Variants in EYA4 observed in about 807,000 individuals in gnomAD.
EYA4 encodes the protein protein phosphatase EYA4.
EYA4 carries 31 observed loss-of-function variants against 87.9 expected under a neutral mutation model. That is an observed-to-expected ratio of 0.35 (90% confidence interval 0.27 to 0.48). The LOEUF is 0.48. Among genes scored for constraint, EYA4 ranks in the 20% least tolerant of loss-of-function variants. EYA4 has a pLI of 0.99. For missense variants in EYA4, 678 were observed against 761.4 expected, an observed-to-expected ratio of 0.89 and a Z score of 1.29; for synonymous variants, 263 against 270.6, an observed-to-expected ratio of 0.97 and a Z score of 0.28.
At position 133,530,237 on chromosome 6, in the gene EYA4, G is replaced by A. The variant is rs1421417704; in HGVS notation, c.*1432G>A. ...GAATACATCAATGCAGGTTCTCCTC[G>A]TAACAGACTTGCATATGTTTGTTAG... is the stretch of plus-strand genomic sequence containing the variant. On this transcript the variant is annotated 3_prime_UTR_variant, in exon 20 of 20. Coordinates refer to ENST00000355286, the MANE Select transcript of EYA4 (RefSeq NM_004100.5). The A allele has an allele frequency of 4.6e-5, 45 of 985,212 alleles. No individual in the cohort carries two copies. The highest frequency in any genetic ancestry group is 5.2e-5 in the Non-Finnish European group (43 of 829,906). 61.0% of individuals were successfully genotyped at this position (985,212 alleles called of 1,614,324 possible).
Position 133,529,688 on chromosome 6 carries a change from A to G in EYA4, c.*883A>G. 1.2e-5 allele frequency: 12 copies of G among 985,030 alleles called. No individual in the cohort carries two copies. The highest frequency in any genetic ancestry group is 1.3e-5 in the Non-Finnish European group (11 of 829,540). The allele number at this position is 985,030 out of a possible 1,614,324, so 61.0% of individuals were successfully genotyped here. On this transcript the variant is annotated 3_prime_UTR_variant, in exon 20 of 20. Transcript: ENST00000355286. ...TTGTGTTTCATTTGGGTTCTTAATA[A>G]TTCCAATAATTGTATGAGGCAACTA...
chr6:133,381,075 CTTTTTTTTTTTTTT>C (rs5880181), intron 2 of EYA4, among the ~76,000 whole-genome samples: 4 of 96,820 alleles, frequency 4.1e-5, no homozygotes, highest in Non-Finnish European at 7.7e-5. Flanking sequence ...TTTTTTTTTT[CTTTTTTTTTTTTTT>C]TTTTGCCCCT....
intron 1 of EYA4, among the ~76,000 whole-genome samples, chr6:133,273,957 G>A (rs1255948450): frequency 2.0e-5 from 3 of 151,858 alleles, no homozygotes; most frequent in East Asian, 1.9e-4. Flanking sequence ...CAAGAGAGAG[G>A]ATTCAGGGTT....
rs72318662 is a variant in EYA4 at position 133,515,622 on chromosome 6, A to AGTGT, written c.1616+218_1616+221dup. Among the ~76,000 whole-genome samples, 542 of 146,740 alleles carry AGTGT rather than the reference A, an allele frequency of 3.7e-3. 3 individuals carry two copies. Among genetic ancestry groups the AGTGT allele is most frequent in the South Asian group, 4.8e-3 (22 of 4,598 alleles). Reference sequence around the variant, plus strand: ...GAGAGAGAGAGAGAGTGTGTGTGTGAGTGTGTGTGTGTGTGTGTGTGTGTG... The same window carrying AGTGT: ...GAGAGAGAGAGAGAGTGTGTGTGTGAGTGTGTGTGTGTGTGTGTGTGTGTGTGTG... On this transcript the variant is annotated intron_variant, in intron 17 of 19. Transcript: ENST00000355286.
At position 133,512,990 on chromosome 6, in the gene EYA4, T is replaced by C. The variant is rs1799288127; in HGVS notation, c.1453T>C (p.Tyr485His). 6.2e-7 allele frequency: 1 copy of C among 1,614,130 alleles called. No individual in the cohort carries two copies. Among genetic ancestry groups the C allele is most frequent in the Admixed American group, 1.7e-5 (1 of 60,020 alleles). ...CTGGATGAGGAAGTTGGCTTTTCGT[T>C]ACAGAAGAGTAAAAGAATTATATAA... ...VDWMRKLAFR[Y>H]RRVKELYNTY... Residue 485 changes from tyrosine (Y) to histidine (H), a missense_variant, in exon 16 of 20, where the codon TAC becomes CAC. Coordinates refer to ENST00000355286, the MANE Select transcript of EYA4 (RefSeq NM_004100.5).
rs997105703 is a variant in EYA4, at chr6:133,294,876, C to T, written c.33+20063C>T. On this transcript the variant is annotated intron_variant, in intron 2 of 19. Coordinates refer to ENST00000355286, the MANE Select transcript of EYA4 (RefSeq NM_004100.5). ...GATTACAGGTGCAAGCCACCACAGC[C>T]GGCCAATTTCTTCTTATTGAAACGT... Among the ~76,000 whole-genome samples, 16 of 152,150 alleles carry T rather than the reference C, an allele frequency of 1.1e-4. 1 individual carries two copies. Among genetic ancestry groups the T allele is most frequent in the Middle Eastern group, 6.8e-3 (2 of 294 alleles).
intron 2 of EYA4, among the ~76,000 whole-genome samples, chr6:133,303,173 C>A (rs539090259): frequency 6.6e-6 from 1 of 152,126 alleles, no homozygotes; most frequent in Non-Finnish European, 1.5e-5. Flanking sequence ...CTGAACAATA[C>A]TGTATTTGGT....
chr6:133,325,001 C>T (rs1781389853), intron 2 of EYA4, among the ~76,000 whole-genome samples: 1 of 149,758 alleles, frequency 6.7e-6, no homozygotes, highest in South Asian at 2.1e-4. Context: ...AGCTCCACCT[C>T]CTGGGTTCAC....
At chr6:133,340,451 G>A (rs933992052) in intron 2 of EYA4, among the ~76,000 whole-genome samples, 1 of 152,176 alleles carries the variant, frequency 6.6e-6, no homozygotes, top group African/African-American at 2.4e-5. Context: ...ATGATGATAA[G>A]TGCTACAAGA....
chr6:133,283,065 G>A (rs1265259105), intron 2 of EYA4, among the ~76,000 whole-genome samples: 1 of 152,000 alleles, frequency 6.6e-6, no homozygotes, highest in Non-Finnish European at 1.5e-5. Context: ...AGGCTGAGGC[G>A]GGTGGATCAC....
intron 13 of EYA4, among the ~76,000 whole-genome samples, chr6:133,496,951 C>A (rs1797694080): frequency 6.6e-6 from 1 of 152,256 alleles, no homozygotes; most frequent in East Asian, 1.9e-4. Context: ...CCAGAGATGT[C>A]AATCATATCC....
At chr6:133,337,197 C>T (rs553590191) in intron 2 of EYA4, among the ~76,000 whole-genome samples, 2 of 152,198 alleles carry the variant, frequency 1.3e-5, no homozygotes, top group East Asian at 3.9e-4. Flanking sequence ...AGTCTTTGTG[C>T]TTGATTTAAA....
chr6:133,395,828 T>C (rs898368543), intron 3 of EYA4, among the ~76,000 whole-genome samples: 2 of 152,192 alleles, frequency 1.3e-5, no homozygotes, highest in African/African-American at 2.4e-5. Flanking sequence ...GTATCCCAGC[T>C]TACCCCATGT....
intron 18 of EYA4, 120 bp downstream of exon 18, chr6:133,523,297 C>A: frequency 9.8e-7 from 1 of 1,024,676 alleles, no homozygotes; most frequent in Non-Finnish European, 1.5e-6. Flanking sequence ...GTTCAAATTA[C>A]AAAGTCCCCT....
intron 3 of EYA4, among the ~76,000 whole-genome samples, chr6:133,400,648 T>C (rs1422732737): frequency 6.6e-6 from 1 of 152,150 alleles, no homozygotes; most frequent in Admixed American, 6.5e-5. Context: ...TATTGAAGGG[T>C]ATCCCAGTCA....
At chr6:133,283,483 C>T (rs1181167285) in intron 2 of EYA4, among the ~76,000 whole-genome samples, 1 of 152,010 alleles carries the variant, frequency 6.6e-6, no homozygotes, top group Non-Finnish European at 1.5e-5. Flanking sequence ...GATAGAGGTA[C>T]CATGCCAAGT....
intron 14 of EYA4, among the ~76,000 whole-genome samples, chr6:133,507,946 C>T (rs1407028847): frequency 6.6e-6 from 1 of 152,062 alleles, no homozygotes; most frequent in Non-Finnish European, 1.5e-5. Flanking sequence ...GAGGAGTTGC[C>T]ACACTGTCTT....
chr6:133,385,553 T>C (rs1383727766), intron 3 of EYA4, among the ~76,000 whole-genome samples: 1 of 151,972 alleles, frequency 6.6e-6, no homozygotes, highest in Non-Finnish European at 1.5e-5. Context: ...TGTATCCGCA[T>C]AAAATGTGAG....
intron 3 of EYA4, among the ~76,000 whole-genome samples, chr6:133,424,953 C>T (rs1241851012): frequency 6.6e-6 from 1 of 150,776 alleles, no homozygotes; most frequent in African/African-American, 2.5e-5. Flanking sequence ...TCACTACCAC[C>T]TTCCTCCCTC....
Sources: gnomAD v4.1 joint callset for allele counts (sites outside exome capture counted in the v4.1 genomes callset) on GRCh38, gnomAD v4.1.1 for gene constraint, MANE v1.5 for transcripts, NCBI Gene and HGNC (gene_info 2026-07-23, HGNC 2026-07-21) for gene names.